Variants in TTN observed in about 807,000 individuals in gnomAD.
TTN encodes the protein titin.
In TTN, 1,525 loss-of-function variants were observed where a neutral mutation model predicts 3,223.0. The observed-to-expected ratio is 0.47, with a 90% CI of 0.45 to 0.49. The LOEUF (loss-of-function observed/expected upper bound fraction) is 0.49. TTN is among the 20% of genes least tolerant of loss of function. The pLI is 0.00. For synonymous variants in TTN, 14,094 were observed against 15,161.0 expected, an observed-to-expected ratio of 0.93 and a Z score of 5.17; for missense variants, 40,786 against 43,424.0, an observed-to-expected ratio of 0.94 and a Z score of 5.40.
At chr2:178,527,401 A>G in intron 362 of TTN, 45 bp downstream of exon 362, 4 of 1,594,822 alleles carry the variant, frequency 2.5e-6, no homozygotes, top group Non-Finnish European at 3.4e-6. Context: ...AGACTACACC[A>G]TGTTACTTGG....
chr2:178,549,415 G>T lies in TTN; in HGVS notation c.92211C>A (p.Thr30737=), dbSNP rs1575483741. 1 of 1,613,070 alleles carries T rather than the reference G, an allele frequency of 6.2e-7. No individual in the cohort carries two copies. The highest frequency in any genetic ancestry group is 1.7e-5 in the Admixed American group (1 of 59,972). Residue 30737 remains threonine (T), a synonymous_variant, in exon 339 of 363, where the codon ACC becomes ACA. Transcript: ENST00000589042. ...CTGATTCTGGCCTTGCCCATGTCAG[G>T]GTAATGCTGTTGCCTGTTATGTTGC... The part of the protein sequence containing the change: ...EPSNITGNSI[T]LTWARPESDG...
At position 178,673,760 on chromosome 2, in the gene TTN, A is replaced by G. The variant is rs760497769; in HGVS notation, c.34709-50T>C. The G allele has an allele frequency of 6.2e-6, 8 of 1,285,152 alleles. No individual in the cohort carries two copies. The Admixed American group carries it at 8.1e-5, about 13-fold the overall frequency. The allele number at this position is 1,285,152 out of a possible 1,614,324, so 79.6% of individuals were successfully genotyped here. On this transcript the variant is annotated intron_variant, in intron 151 of 362. Coordinates refer to ENST00000589042, the MANE Select transcript of TTN (RefSeq NM_001267550.2). ...TTGAAAAGTGGCATGTGATGAGCAG[A>G]ACACCACCCATATACCAATAAATAA...
intron 115 of TTN, 114 bp from the exon 116 acceptor site, chr2:178,695,020 G>C: frequency 1.4e-6 from 1 of 725,476 alleles, no homozygotes; most frequent in Non-Finnish European, 2.2e-6. Flanking sequence ...AAGTGTATAT[G>C]CAGATACATG....
chr2:178,707,484 G>T, intron 100 of TTN, 42 bp downstream of exon 100: 1 of 1,543,332 alleles, frequency 6.5e-7, no homozygotes, highest in East Asian at 2.3e-5. Flanking sequence ...AACATGAGTG[G>T]TTGCTGGCTT....
chr2:178,778,817 T>G, intron 24 of TTN, 57 bp downstream of exon 24: 1 of 1,611,002 alleles, frequency 6.2e-7, no homozygotes, highest in Non-Finnish European at 8.5e-7. Flanking sequence ...TTTGCTACTA[T>G]TTGATGTTTT....
In TTN at chr2:178,612,544, T is replaced by C. The variant is rs1353241870; in HGVS notation, c.49981A>G (p.Ile16661Val). 6.2e-7 allele frequency: 1 copy of C among 1,611,550 alleles called. No homozygotes were observed. The highest frequency in any genetic ancestry group is 1.1e-5 in the South Asian group (1 of 90,954). ...TCTGCTGTATTTTTTGTGATATTAA[T>C]AACTTCAAGCCAGCGTGGTGGTGAT... ...PPSPPRWLEV[I>V]NITKNTADLK... The change falls in exon 266 of 363, where the codon ATT (isoleucine) becomes GTT (valine). Residue 16661 changes from isoleucine (I) to valine (V), a missense_variant. Transcript: ENST00000589042.
rs777183022 is a variant in TTN, at chr2:178,670,245, C to T, written c.35359G>A (p.Glu11787Lys). 6.7e-6 allele frequency: 10 copies of T among 1,498,432 alleles called. No homozygotes were observed. The highest frequency in any genetic ancestry group is 1.7e-4 in the Middle Eastern group (1 of 5,722). 92.8% of individuals were successfully genotyped at this position (1,498,432 alleles called of 1,614,324 possible). ...IVVEEKVRVP[E>K]EPRVPPTKAP... Reference sequence around the variant, plus strand: ...TTAGTTGGTGGAACTCTGGGCTCTTCAGGAACACGTACTTTTTCTTCTACC... The same window carrying T: ...TTAGTTGGTGGAACTCTGGGCTCTTTAGGAACACGTACTTTTTCTTCTACC... The change falls in exon 157 of 363, where the codon GAA becomes AAA. Residue 11787 changes from glutamate to lysine, a missense_variant. Glu to Lys is a moderately conservative substitution (Grantham distance 56). Transcript: ENST00000589042.
intron 47 of TTN, chr2:178,751,814 G>C: frequency 6.2e-7 from 1 of 1,613,028 alleles, no homozygotes. Context: ...AGTTGGACAG[G>C]CAATTAATCT....
Position 178,789,511 on chromosome 2 carries a change from T to C in TTN, c.1939-14A>G. The C allele has an allele frequency of 6.2e-7, 1 of 1,612,948 alleles. No individual in the cohort carries two copies. ...TTCCTTTCTCATCTGATTATTACAGTAAAATCAAGATTTAAGTTGAACAGG... is the reference window on the plus strand; with the variant it reads ...TTCCTTTCTCATCTGATTATTACAGCAAAATCAAGATTTAAGTTGAACAGG... On this transcript the variant is annotated splice_polypyrimidine_tract_variant and intron_variant, in intron 12 of 362. Coordinates refer to ENST00000589042, the MANE Select transcript of TTN (RefSeq NM_001267550.2).
At position 178,573,167 on chromosome 2, in the gene TTN, A is replaced by C. The variant is rs1003983177; in HGVS notation, c.72965T>G (p.Phe24322Cys). ...TGGGTTACCTGGTGGTCCAGGTTTA[A>C]ACACAGTGTCACAAGCCTTGTAAAA... ...SPFYKACDTVFKPGPPGNPRV... is the reference protein window; with the variant it reads ...SPFYKACDTVCKPGPPGNPRV... The change falls in exon 326 of 363, where the codon TTT becomes TGT. Residue 24322 changes from phenylalanine to cysteine, a missense_variant. Transcript: ENST00000589042. The C allele has an allele frequency of 1.2e-6, 2 of 1,612,546 alleles. No individual in the cohort carries two copies. Among genetic ancestry groups the C allele is most frequent in the Non-Finnish European group, 1.7e-6 (2 of 1,179,254 alleles).
At position 178,572,345 on chromosome 2, in the gene TTN, T is replaced by G; in HGVS notation, c.73787A>C (p.Glu24596Ala). The G allele has an allele frequency of 6.2e-7, 1 of 1,612,008 alleles. No homozygotes were observed. The highest frequency in any genetic ancestry group is 8.5e-7 in the Non-Finnish European group (1 of 1,178,362). ...GCSYYFRVLA[E>A]NEYGIGLPAE... is the part of the protein sequence containing the mutation. ...AGGCAGCCCAATGCCATATTCATTT[T>G]CTGCGAGAACCCTGAAATAGTAGCT... Residue 24596 changes from glutamate to alanine, a missense_variant, in exon 326 of 363, where the codon GAA (glutamate) becomes GCA (alanine). Coordinates refer to ENST00000589042, the MANE Select transcript of TTN (RefSeq NM_001267550.2).
chr2:178,602,814 T>A (rs1478679715), intron 282 of TTN, among the ~76,000 whole-genome samples: 1 of 151,992 alleles, frequency 6.6e-6, no homozygotes, highest in Non-Finnish European at 1.5e-5. Flanking sequence ...TAACTGGGAA[T>A]AGAAAGACTA....
At position 178,717,925 on chromosome 2, in the gene TTN, G is replaced by A. The variant is rs541890371; in HGVS notation, c.25063+18C>T. 2.3e-5 allele frequency: 37 copies of A among 1,606,448 alleles called. No individual in the cohort carries two copies. The Admixed American group carries it at 3.5e-4, about 15-fold the overall frequency. ...AAATGAATCTGTTCACACACACTAG[G>A]TTAAACAACACCATCACCTTTGATA... On this transcript the variant is annotated intron_variant, in intron 86 of 362. Coordinates refer to ENST00000589042, the MANE Select transcript of TTN (RefSeq NM_001267550.2).
chr2:178,704,344 G>A lies in TTN; in HGVS notation c.30026C>T (p.Thr10009Ile). Residue 10009 changes from threonine (T) to isoleucine (I), a missense_variant, in exon 106 of 363, where the codon ACA becomes ATA. By Grantham distance (89) the Thr-to-Ile change is moderately conservative. Transcript: ENST00000589042. Reference protein sequence around the residue: ...TLKEGQTCTMTCQFSVPNVKS... With the variant: ...TLKEGQTCTMICQFSVPNVKS... ...TACATTTGGTACAGAAAATTGGCATGTCATGGTGCAAGTCTGGCCTTCTTT... is the reference window on the plus strand; with the variant it reads ...TACATTTGGTACAGAAAATTGGCATATCATGGTGCAAGTCTGGCCTTCTTT... The A allele has an allele frequency of 6.2e-7, 1 of 1,614,036 alleles. No individual in the cohort carries two copies. The highest frequency in any genetic ancestry group is 8.5e-7 in the Non-Finnish European group (1 of 1,179,892).
In TTN at chr2:178,731,078, G is replaced by C; in HGVS notation, c.17587C>G (p.Leu5863Val). The C allele has an allele frequency of 6.2e-7, 1 of 1,613,666 alleles. No homozygotes were observed. Among genetic ancestry groups the C allele is most frequent in the Non-Finnish European group, 8.5e-7 (1 of 1,179,724 alleles). The change falls in exon 60 of 363, where the codon CTG becomes GTG. Residue 5863 changes from leucine to valine, a missense_variant. Coordinates refer to ENST00000589042, the MANE Select transcript of TTN (RefSeq NM_001267550.2). ...TAKWFKDGQE[L>V]TLGSKYKISV... ...ATTTTATATTTTGAGCCCAGGGTCAGTTCTTGGCCATCTTTAAACCATTTG... is the reference window on the plus strand; with the variant it reads ...ATTTTATATTTTGAGCCCAGGGTCACTTCTTGGCCATCTTTAAACCATTTG...
In TTN at chr2:178,526,346, A is replaced by G. The variant is rs1686408062; in HGVS notation, c.*666T>C. ...ATGGCCAGGAGATGTTACTTTTCCA[A>G]GCTATTCAGGCACTCCTTATGTCAG... On this transcript the variant is annotated 3_prime_UTR_variant, in exon 363 of 363. Coordinates refer to ENST00000589042, the MANE Select transcript of TTN (RefSeq NM_001267550.2). 6.6e-6 allele frequency: 1 copy of G among 152,642 alleles called. No homozygotes were observed. The highest frequency in any genetic ancestry group is 1.5e-5 in the Non-Finnish European group (1 of 68,052). The allele number at this position is 152,642 out of a possible 1,614,324, so 9.5% of individuals were successfully genotyped here. A position where few individuals can be genotyped will look rare whatever the true frequency, so the allele number is the denominator to read the frequency against.
chr2:178,589,681 T>C lies in TTN; in HGVS notation c.62044A>G (p.Lys20682Glu), dbSNP rs2049804283. ...PENLHIADKG[K>E]TFVYLKWRRP... is the part of the protein sequence containing the mutation. ...CGCCACTTTAGATAGACAAATGTCT[T>C]TCCTTTATCTGCAATGTGAAGGTTT... The change falls in exon 304 of 363, where the codon AAG (lysine) becomes GAG (glutamate). Residue 20682 changes from lysine (K) to glutamate (E), a missense_variant. By Grantham distance (56) the Lys-to-Glu change is moderately conservative (BLOSUM62 1). Coordinates refer to ENST00000589042, the MANE Select transcript of TTN (RefSeq NM_001267550.2). The C allele has an allele frequency of 1.2e-6, 2 of 1,613,558 alleles. No homozygotes were observed. Among genetic ancestry groups the C allele is most frequent in the Middle Eastern group, 3.3e-4 (2 of 6,052 alleles).
Position 178,725,897 on chromosome 2 carries a change from T to A in TTN, c.20425A>T (p.Ile6809Phe). The change falls in exon 70 of 363, where the codon ATT becomes TTT. Residue 6809 changes from isoleucine to phenylalanine, a missense_variant. Coordinates refer to ENST00000589042, the MANE Select transcript of TTN (RefSeq NM_001267550.2). ...CTTGTGTGGAAGTTTTTGGATGCAATCTTGTATTTCTTGCTGCTTCTGAGT... is the reference window on the plus strand; with the variant it reads ...CTTGTGTGGAAGTTTTTGGATGCAAACTTGTATTTCTTGCTGCTTCTGAGT... ...RQLRSSKKYK[I>F]ASKNFHTSIH... 6.2e-7 allele frequency: 1 copy of A among 1,613,136 alleles called. No homozygotes were observed. Among genetic ancestry groups the A allele is most frequent in the Non-Finnish European group, 8.5e-7 (1 of 1,179,446 alleles).
intron 111 of TTN, among the ~76,000 whole-genome samples, chr2:178,700,751 C>A (rs2074810817): frequency 6.6e-6 from 1 of 152,114 alleles, no homozygotes; most frequent in African/African-American, 2.4e-5. Flanking sequence ...CTATAATTTG[C>A]AATTTGGCTG....
Sources: allele counts gnomAD v4.1 joint callset (sites outside exome capture counted in the v4.1 genomes callset), GRCh38; gene constraint gnomAD v4.1.1; transcripts MANE v1.5; gene names NCBI Gene and HGNC (gene_info 2026-07-23, HGNC 2026-07-21).